AKR1C1: variants seen among roughly 807,000 people sequenced by gnomAD.
The protein encoded by AKR1C1 is aldo-keto reductase family 1 member C1.
AKR1C1 carries 32 observed loss-of-function variants against 40.6 expected under a neutral mutation model. That is an observed-to-expected ratio of 0.79 (90% confidence interval 0.60 to 1.06). AKR1C1 has a LOEUF of 1.06. Ranked by LOEUF, AKR1C1 falls within the 50% of genes least tolerant of loss-of-function variation. The probability of loss-of-function intolerance (pLI) is 0.00; values close to 1 mark genes in which losing one functional copy is unlikely to be tolerated. For synonymous variants in AKR1C1, 105 were observed against 134.2 expected (o/e 0.78, Z 1.50); for missense variants, 320 against 363.5 (o/e 0.88, Z 0.97).
intron 8 of AKR1C1, among the ~76,000 whole-genome samples, chr10:4,977,272 T>C (rs1836539859): frequency 6.6e-6 from 1 of 152,240 alleles, no homozygotes; most frequent in African/African-American, 2.4e-5. Flanking sequence ...TGTAAAGTAA[T>C]TAAGTATAAT....
rs142084692 is a variant in AKR1C1 at position 4,972,311 on chromosome 10, G to A, written c.680+1G>A. On this transcript the variant is annotated splice_donor_variant, in intron 6 of 8. Transcript: ENST00000380872. LOFTEE classifies it high-confidence loss of function. Reference sequence around the variant, plus strand: ...TGGGATCCCACCGAGAAGAACCATGGTAATAAGAGATACAGGAAGTTTACC... The same window carrying A: ...TGGGATCCCACCGAGAAGAACCATGATAATAAGAGATACAGGAAGTTTACC... 6.6e-5 allele frequency: 107 copies of A among 1,612,692 alleles called. 1 individual carries two copies. The African/African-American group carries it at 1.4e-3, about 21-fold the overall frequency.
rs1317300589 is a variant in AKR1C1, at chr10:4,980,916, C to T, written c.*3174C>T. On this transcript the variant is annotated 3_prime_UTR_variant, in exon 9 of 9. Transcript: ENST00000380872. ...TTTCCCAGGTTCTTCAGACAAGTCA[C>T]CATGGTAGCTGTAGACTTATGAAAT... 1 of 152,154 alleles carries T rather than the reference C, an allele frequency of 6.6e-6. No homozygotes were observed. Among genetic ancestry groups the T allele is most frequent in the Non-Finnish European group, 1.5e-5 (1 of 68,030 alleles). The allele number at this position is 152,154 out of a possible 1,614,324, so 9.4% of individuals were successfully genotyped here. A position where few individuals can be genotyped will look rare whatever the true frequency, so the allele number is the denominator to read the frequency against.
chr10:4,963,669 T>C, intron 1 of AKR1C1, 141 bp downstream of exon 1: 1 of 802,144 alleles, frequency 1.2e-6, no homozygotes, highest in East Asian at 2.4e-5. Context: ...TGCCATCTTG[T>C]CACAGGGTCA....
intron 6 of AKR1C1, 51 bp downstream of exon 6, chr10:4,972,361 A>AT: frequency 6.2e-7 from 1 of 1,608,286 alleles, no homozygotes; most frequent in Non-Finnish European, 8.5e-7. Flanking sequence ...GATAAAAAAA[A>AT]TTTAATCAGA....
chr10:4,982,881 C>T lies in AKR1C1; in HGVS notation c.*5139C>T, dbSNP rs1332602831. ...TCAGCTGTTACCACTGCGTACCACA[C>T]CCTGACCAGTCAGAGGTCTTGAGTC... is the stretch of plus-strand genomic sequence containing the variant. On this transcript the variant is annotated 3_prime_UTR_variant, in exon 9 of 9. Transcript: ENST00000380872. The T allele has an allele frequency of 9.0e-5, 39 of 432,724 alleles. No individual in the cohort carries two copies. The highest frequency in any genetic ancestry group is 2.2e-4 in the South Asian group (13 of 59,944). 26.8% of individuals were successfully genotyped at this position (432,724 alleles called of 1,614,324 possible).
intron 1 of AKR1C1, chr10:4,965,687 C>G (rs1305191620): frequency 1.5e-5 from 7 of 465,618 alleles, no homozygotes; most frequent in African/African-American, 1.4e-4. Flanking sequence ...CACTTCCAAA[C>G]TAGTGGTCAA....
rs1237890228 is a variant in AKR1C1, at chr10:4,981,960, C to G, written c.*4218C>G. 6 of 152,234 alleles carry G rather than the reference C, an allele frequency of 3.9e-5. No individual in the cohort carries two copies. The highest frequency in any genetic ancestry group is 1.4e-4 in the African/African-American group (6 of 41,442). 9.4% of individuals were successfully genotyped at this position (152,234 alleles called of 1,614,324 possible). On this transcript the variant is annotated 3_prime_UTR_variant, in exon 9 of 9. Transcript: ENST00000380872. Reference sequence around the variant, plus strand: ...CTGGATGTAAACCTGGCACTGTTAGCAGAGCACTGCATGAATGAAAGGAAT... The same window carrying G: ...CTGGATGTAAACCTGGCACTGTTAGGAGAGCACTGCATGAATGAAAGGAAT...
At position 4,978,134 on chromosome 10, in the gene AKR1C1, G is replaced by A. The variant is rs1373516372; in HGVS notation, c.*392G>A. The A allele has an allele frequency of 1.4e-5, 3 of 217,822 alleles. No homozygotes were observed. The highest frequency in any genetic ancestry group is 7.4e-5 in the African/African-American group (3 of 40,732). 13.5% of individuals were successfully genotyped at this position (217,822 alleles called of 1,614,324 possible). ...GTTTCACCCTCTGGGAAAGGGGCAG[G>A]TGACAGGTATTTATCAGTCAGTGCC... is the stretch of plus-strand genomic sequence containing the variant. On this transcript the variant is annotated 3_prime_UTR_variant, in exon 9 of 9. Transcript: ENST00000380872.
intron 8 of AKR1C1, among the ~76,000 whole-genome samples, 166 bp from the exon 9 acceptor site, chr10:4,977,534 T>C (rs1301914321): frequency 6.6e-6 from 1 of 152,224 alleles, no homozygotes; most frequent in African/African-American, 2.4e-5. Flanking sequence ...AAAATACAGA[T>C]ATGATAAAGT....
intron 1 of AKR1C1, 133 bp from the exon 2 acceptor site, chr10:4,965,781 G>A (rs1408499806): frequency 9.7e-7 from 1 of 1,034,544 alleles, no homozygotes; most frequent in Non-Finnish European, 1.4e-6. Flanking sequence ...AGACTGGGAT[G>A]GGCTCATGAT....
chr10:4,969,162 A>C lies in AKR1C1; in HGVS notation c.570+218A>C, dbSNP rs1190414051. On this transcript the variant is annotated intron_variant, in intron 5 of 8. Coordinates refer to ENST00000380872, the MANE Select transcript of AKR1C1 (RefSeq NM_001353.6). Reference sequence around the variant, plus strand: ...ACTTTGATGCTGAATTGTGTGTTATATTTATGGGAGGTCAATTCAATCAAG... The same window carrying C: ...ACTTTGATGCTGAATTGTGTGTTATCTTTATGGGAGGTCAATTCAATCAAG... Among the ~76,000 whole-genome samples the C allele has an allele frequency of 3.9e-5, 6 of 152,182 alleles. No homozygotes were observed. The East Asian group carries it at 1.2e-3, about 29-fold the overall frequency.
chr10:4,974,310 T>A (rs1836489966), intron 7 of AKR1C1, among the ~76,000 whole-genome samples: 1 of 151,912 alleles, frequency 6.6e-6, no homozygotes, highest in African/African-American at 2.4e-5. Flanking sequence ...TACATATATA[T>A]GTATTTATTC....
chr10:4,964,014 C>T, intron 1 of AKR1C1: 1 of 656,156 alleles, frequency 1.5e-6, no homozygotes, highest in South Asian at 1.8e-5. Flanking sequence ...GTACTATTCT[C>T]ACCTCTGGGA....
chr10:4,976,426 A>G (rs1836526887), intron 8 of AKR1C1, among the ~76,000 whole-genome samples: 1 of 151,996 alleles, frequency 6.6e-6, no homozygotes, highest in African/African-American at 2.4e-5. Context: ...TCGATTTAGC[A>G]TTTTTAATCA....
At chr10:4,976,956 G>T (rs114633982) in intron 8 of AKR1C1, among the ~76,000 whole-genome samples, 50,567 of 151,166 alleles carry the variant, frequency 0.33, 9,059 homozygotes, top group African/African-American at 0.5. Flanking sequence ...ATGTTTTTGG[G>T]GATCATGAAA....
rs1426377737 is a variant in AKR1C1, at chr10:4,966,065, T to A, written c.236T>A (p.Ile79Lys). Residue 79 changes from isoleucine (I) to lysine (K), a missense_variant, in exon 2 of 9, where the codon ATA (isoleucine) becomes AAA (lysine). By Grantham distance (102) the Ile-to-Lys change is moderately radical (BLOSUM62 -3). Around this residue, in one of 3 missense-constraint regions of AKR1C1, gnomAD observed 214 missense variants for 214.8 expected, o/e 1.00. Transcript: ENST00000380872. ...GATGGCAGTGTGAAGAGAGAAGACA[T>A]ATTCTACACTTCAAAGGTACTGTGC... The part of the protein sequence containing the change: ...IADGSVKRED[I>K]FYTSKLWCNS... 3.1e-6 allele frequency: 5 copies of A among 1,613,570 alleles called. No homozygotes were observed. The highest frequency in any genetic ancestry group is 3.4e-6 in the Non-Finnish European group (4 of 1,179,826).
chr10:4,970,692 C>T (rs1836410422), intron 5 of AKR1C1, among the ~76,000 whole-genome samples: 1 of 151,758 alleles, frequency 6.6e-6, no homozygotes, highest in Non-Finnish European at 1.5e-5. Flanking sequence ...TCATCATTGT[C>T]AGTAAACTAT....
At chr10:4,970,466 T>C (rs1247480120) in intron 5 of AKR1C1, among the ~76,000 whole-genome samples, 2 of 152,176 alleles carry the variant, frequency 1.3e-5, no homozygotes, top group Non-Finnish European at 2.9e-5. Context: ...AAGAAAATAT[T>C]TTTATCATGC....
At position 4,977,871 on chromosome 10, in the gene AKR1C1, G is replaced by A; in HGVS notation, c.*129G>A. On this transcript the variant is annotated 3_prime_UTR_variant, in exon 9 of 9. Coordinates refer to ENST00000380872, the MANE Select transcript of AKR1C1 (RefSeq NM_001353.6). ...CTCTCCTGCTTGGTGATTTCAGCAA[G>A]CTACAGCAAAGCCCATTGGCCAGAA... 3 of 1,409,680 alleles carry A rather than the reference G, an allele frequency of 2.1e-6. No homozygotes were observed. Among genetic ancestry groups the A allele is most frequent in the Non-Finnish European group, 2.9e-6 (3 of 1,035,210 alleles). 87.3% of individuals were successfully genotyped at this position (1,409,680 alleles called of 1,614,324 possible).
Sources: gnomAD v4.1 joint callset for allele counts (sites outside exome capture counted in the v4.1 genomes callset) on GRCh38, gnomAD v4.1.1 for gene constraint, gnomAD v4.1.1 regional missense constraint, MANE v1.5 for transcripts, NCBI Gene and HGNC (gene_info 2026-07-23, HGNC 2026-07-21) for gene names.